PDE1C: variants seen among roughly 807,000 people sequenced by gnomAD.
The protein encoded by PDE1C is phosphodiesterase 1C, also known as dual specificity calcium/calmodulin-dependent 3',5'-cyclic nucleotide phosphodiesterase 1C.
In PDE1C, 62 loss-of-function variants were observed where a neutral mutation model predicts 93.1. The ratio of observed to expected loss-of-function variants is 0.67; its 90% CI spans 0.54 to 0.82. The LOEUF (loss-of-function observed/expected upper bound fraction) is 0.82. Ranked by LOEUF, PDE1C falls within the 40% of genes least tolerant of loss-of-function variation. PDE1C has a pLI of 0.00. For missense variants in PDE1C, 742 were observed against 884.6 expected (o/e 0.84, Z 2.04); for synonymous variants, 325 against 310.1 (o/e 1.05, Z -0.50).
At chr7:32,200,412 G>C (rs1804926592) in intron 2 of PDE1C, among the ~76,000 whole-genome samples, 1 of 152,144 alleles carries the variant, frequency 6.6e-6, no homozygotes, top group African/African-American at 2.4e-5. Context: ...ATTGCCCAGG[G>C]AAGACTTTTC....
chr7:32,004,263 A>AC (rs953258143), intron 2 of PDE1C, among the ~76,000 whole-genome samples: 2 of 151,846 alleles, frequency 1.3e-5, no homozygotes, highest in African/African-American at 4.8e-5. Flanking sequence ...TGAAAAAAAA[A>AC]CCAATATAAC....
At chr7:31,939,285 A>C (rs527600183) in intron 2 of PDE1C, among the ~76,000 whole-genome samples, 1 of 152,168 alleles carries the variant, frequency 6.6e-6, no homozygotes, top group Non-Finnish European at 1.5e-5. Flanking sequence ...AATCATTTAC[A>C]TGGTTATTCA....
Position 32,411,822 on chromosome 7 carries a change from C to G in PDE1C, c.310+16000G>C, listed in dbSNP as rs1163448876. On this transcript the variant is annotated intron_variant, in intron 1 of 1. Transcript: ENST00000672256. Reference sequence around the variant, plus strand: ...CTTAAAACACAAACATATTGTACAGCTGTGCAAAAAAAAATTATTTTCTTT... The same window carrying G: ...CTTAAAACACAAACATATTGTACAGGTGTGCAAAAAAAAATTATTTTCTTT... 2.1e-5 allele frequency among the ~76,000 whole-genome samples: 3 copies of G among 145,204 alleles called. No homozygotes were observed. In the East Asian group the frequency reaches 5.8e-4, roughly 28 times the overall value.
At chr7:32,180,045 G>A (rs10251932) in intron 2 of PDE1C, among the ~76,000 whole-genome samples, 46,490 of 151,942 alleles carry the variant, frequency 0.31, 8,531 homozygotes, top group East Asian at 0.58. Context: ...GGGATACATA[G>A]GAATTAGGAA....
At chr7:32,280,977 T>G (rs1811591350) in intron 1 of PDE1C, among the ~76,000 whole-genome samples, 1 of 152,038 alleles carries the variant, frequency 6.6e-6, no homozygotes, top group South Asian at 2.1e-4. Flanking sequence ...AGAGTGAGAC[T>G]TTTTCTCTAA....
At chr7:32,085,703 A>G (rs1456257089) in intron 3 of PDE1C, among the ~76,000 whole-genome samples, 25 of 151,480 alleles carry the variant, frequency 1.7e-4, no homozygotes, top group East Asian at 3.9e-4. Context: ...TTCAATATAC[A>G]CAAATCAATA....
chr7:31,864,821 C>A, intron 7 of PDE1C, 121 bp downstream of exon 7: 1 of 922,316 alleles, frequency 1.1e-6, no homozygotes, highest in Admixed American at 2.2e-5. Context: ...TCCTGGGAAA[C>A]AGGAAGTCCA....
At chr7:32,143,081 G>A (rs1800629565) in intron 3 of PDE1C, among the ~76,000 whole-genome samples, 1 of 151,830 alleles carries the variant, frequency 6.6e-6, no homozygotes, top group African/African-American at 2.4e-5. Flanking sequence ...GAACTACAAA[G>A]ACAACCACAG....
intron 16 of PDE1C, among the ~76,000 whole-genome samples, chr7:31,782,929 T>C (rs890462473): frequency 1.4e-4 from 22 of 152,362 alleles, no homozygotes; most frequent in Admixed American, 3.3e-4. Flanking sequence ...TAAGGCAGGA[T>C]AGCCTAAGCT....
intron 1 of PDE1C, among the ~76,000 whole-genome samples, chr7:32,416,206 C>T (rs113114030): frequency 6.6e-6 from 1 of 152,246 alleles, no homozygotes; most frequent in African/African-American, 2.4e-5. Flanking sequence ...GAGTATAACT[C>T]ATCTAAGGTC....
chr7:31,803,487 T>C (rs1470195953), intron 16 of PDE1C, among the ~76,000 whole-genome samples: 2 of 151,878 alleles, frequency 1.3e-5, no homozygotes, highest in East Asian at 3.9e-4. Flanking sequence ...CTGTGCCATG[T>C]TGGTGTGCTG....
In PDE1C at chr7:32,136,266, A is replaced by C. The variant is rs1800202910; in HGVS notation, c.308+33519T>G. Among the ~76,000 whole-genome samples, 4 of 152,222 alleles carry C rather than the reference A, an allele frequency of 2.6e-5. No homozygotes were observed. The South Asian group carries it at 8.3e-4, about 32-fold the overall frequency. ...CATTGCACAGTGTATACATATACCA[A>C]ATCATCACATTGTATGCCTTGAGTA... is the stretch of plus-strand genomic sequence containing the variant. On this transcript the variant is annotated intron_variant, in intron 3 of 18. Coordinates refer to the PDE1C transcript ENST00000396193.
At chr7:31,908,306 G>A (rs1800836309) in intron 2 of PDE1C, among the ~76,000 whole-genome samples, 1 of 152,144 alleles carries the variant, frequency 6.6e-6, no homozygotes, top group African/African-American at 2.4e-5. Flanking sequence ...TAGAATCACA[G>A]TTTCTCTTTT....
chr7:32,291,143 C>T lies in PDE1C; in HGVS notation c.85+7508G>A, dbSNP rs570503871. Among the ~76,000 whole-genome samples the T allele has an allele frequency of 5.3e-5, 8 of 152,226 alleles. No individual in the cohort carries two copies. In the South Asian group the frequency reaches 1.7e-3, roughly 32 times the overall value. On this transcript the variant is annotated intron_variant, in intron 1 of 18. Coordinates refer to the PDE1C transcript ENST00000396193. ...ATTGTCTACATTTAACAGATGAGCA[C>T]ATTGAAATACAGAAAAGTTAAGTAA... is the stretch of plus-strand genomic sequence containing the variant.
In PDE1C at chr7:32,412,455, C is replaced by CAAAA. The variant is rs34753013; in HGVS notation, c.310+15363_310+15366dup. Among the ~76,000 whole-genome samples, 124 of 85,516 alleles carry CAAAA rather than the reference C, an allele frequency of 1.5e-3. 4 individuals carry two copies. Among genetic ancestry groups the CAAAA allele is most frequent in the African/African-American group, 3.7e-3 (106 of 28,596 alleles). 56.1% of individuals were successfully genotyped at this position (85,516 alleles called of 152,430 possible). On this transcript the variant is annotated intron_variant, in intron 1 of 1. Transcript: ENST00000672256. ...TAGGTGACAGAGTGAGACCCTGTCT[C>CAAAA]AAAAAAAAAAAAAAAAAGTTTAGCA...
intron 2 of PDE1C, among the ~76,000 whole-genome samples, chr7:32,012,141 T>C (rs949215490): frequency 6.6e-6 from 1 of 152,184 alleles, no homozygotes; most frequent in Admixed American, 6.5e-5. Flanking sequence ...GCTAGGTAAT[T>C]CCTAAAGAAA....
intron 1 of PDE1C, among the ~76,000 whole-genome samples, chr7:32,339,861 G>A (rs547543156): frequency 6.6e-6 from 1 of 152,300 alleles, no homozygotes; most frequent in African/African-American, 2.4e-5. Flanking sequence ...CCACCCTGCG[G>A]TGTAGGGTGG....
chr7:31,749,602 T>C (rs894822662), downstream of PDE1C, among the ~76,000 whole-genome samples: 1 of 152,084 alleles, frequency 6.6e-6, no homozygotes, highest in African/African-American at 2.4e-5. Context: ...GGAATTTGAA[T>C]GCAACAGGGG....
chr7:31,626,259 A>C, the PDE1C span, among the ~76,000 whole-genome samples: 1 of 152,218 alleles, frequency 6.6e-6, no homozygotes, highest in South Asian at 2.1e-4. Flanking sequence ...ACTTTGTGTG[A>C]CTAAAGATAT....
Sources: allele counts gnomAD v4.1 joint callset (sites outside exome capture counted in the v4.1 genomes callset), GRCh38; gene constraint gnomAD v4.1.1; transcripts MANE v1.5; gene names NCBI Gene and HGNC (gene_info 2026-07-23, HGNC 2026-07-21).